ABCC5: variants seen among roughly 807,000 people sequenced by gnomAD.
ABCC5 encodes ATP binding cassette subfamily C member 5, also known as ATP-binding cassette sub-family C member 5.
In ABCC5, 61 loss-of-function variants were observed where a neutral mutation model predicts 160.9. The observed-to-expected ratio is 0.38, with a 90% CI of 0.31 to 0.47. The LOEUF (loss-of-function observed/expected upper bound fraction) is 0.47. Among genes scored for constraint, ABCC5 ranks in the 20% least tolerant of loss-of-function variants. The pLI is 0.99. For synonymous variants in ABCC5, 666 were observed against 700.6 expected (o/e 0.95, Z 0.78); for missense variants, 1,308 against 1,813.3 (o/e 0.72, Z 5.06).
intron 2 of ABCC5, among the ~76,000 whole-genome samples, chr3:183,990,793 CA>C (rs2108873711): frequency 7.6e-6 from 1 of 131,224 alleles, no homozygotes; most frequent in Admixed American, 6.9e-5. Context: ...AAAGTGCATG[CA>C]AAAGTGCATT....
At chr3:183,924,003 C>T (rs1186002984) in intron 29 of ABCC5, among the ~76,000 whole-genome samples, 3 of 124,900 alleles carry the variant, frequency 2.4e-5, no homozygotes, top group African/African-American at 8.8e-5. Flanking sequence ...CCAATTTTTA[C>T]TGTTTGCTTT....
chr3:183,950,838 A>G (rs1715279118), intron 20 of ABCC5, among the ~76,000 whole-genome samples: 1 of 152,234 alleles, frequency 6.6e-6, no homozygotes, highest in Admixed American at 6.5e-5. Flanking sequence ...GCTACAGTGC[A>G]GCAATTAAAA....
At chr3:183,961,784 ACATTTTTTTTTTTGAGG>A in intron 15 of ABCC5, 130 bp from the exon 16 acceptor site, 1 of 1,208,068 alleles carries the variant, frequency 8.3e-7, no homozygotes, top group Non-Finnish European at 1.1e-6. Flanking sequence ...GCATCTGGAG[ACATTTTTTTTTTTGAGG>A]CAGAGTCTTG....
At chr3:183,931,690 C>T (rs1713196048) in intron 26 of ABCC5, among the ~76,000 whole-genome samples, 1 of 152,194 alleles carries the variant, frequency 6.6e-6, no homozygotes, top group South Asian at 2.1e-4. Context: ...AGCCTCAGAC[C>T]ACTAAACAAT....
At chr3:183,998,477 T>G (rs934913861) in intron 2 of ABCC5, among the ~76,000 whole-genome samples, 1 of 152,124 alleles carries the variant, frequency 6.6e-6, no homozygotes, top group African/African-American at 2.4e-5. Flanking sequence ...CAACATAGCA[T>G]GTACTATGTG....
Position 183,951,354 on chromosome 3 carries a change from G to A in ABCC5, c.2944+87C>T. The A allele has an allele frequency of 6.5e-7, 1 of 1,531,348 alleles. No individual in the cohort carries two copies. Among genetic ancestry groups the A allele is most frequent in the Non-Finnish European group, 8.8e-7 (1 of 1,133,134 alleles). The allele number at this position is 1,531,348 out of a possible 1,614,324, so 94.9% of individuals were successfully genotyped here. A position where few individuals can be genotyped will look rare whatever the true frequency, so the allele number is the denominator to read the frequency against. On this transcript the variant is annotated intron_variant, in intron 20 of 29. Transcript: ENST00000334444. This position sits in a 1 kb window ranked among gnomAD's most constrained non-coding sequence, Gnocchi z 4.7. ...ACTGTGCTCTCAGGATCTACAGACA[G>A]ACAGATCTGCACATTTGGAGAATCA...
rs755325365 is a variant in ABCC5, at chr3:183,963,610, G to A, written c.2032-22C>T. ...CAATCTACAAGAGCCCAGAAGTGTG[G>A]TGAAGCCTCCAGCGCAAGTCCAGAA... On this transcript the variant is annotated intron_variant, in intron 14 of 29. Transcript: ENST00000334444. The surrounding 1 kb of genome is among the most constrained non-coding windows in gnomAD (Gnocchi z 4.6). 8 of 1,612,264 alleles carry A rather than the reference G, an allele frequency of 5.0e-6. No homozygotes were observed. The highest frequency in any genetic ancestry group is 6.8e-6 in the Non-Finnish European group (8 of 1,179,712).
chr3:183,963,735 G>T lies in ABCC5; in HGVS notation c.2032-147C>A. Reference sequence around the variant, plus strand: ...TGAACTGCCATGCTGATTCCCCGCAGATGAACTGCCATGCTGATCCTTCAA... The same window carrying T: ...TGAACTGCCATGCTGATTCCCCGCATATGAACTGCCATGCTGATCCTTCAA... On this transcript the variant is annotated intron_variant, in intron 14 of 29. Coordinates refer to ENST00000334444, the MANE Select transcript of ABCC5 (RefSeq NM_005688.4). The surrounding 1 kb of genome is among the most constrained non-coding windows in gnomAD (Gnocchi z 4.6). The T allele has an allele frequency of 1.3e-6, 1 of 757,466 alleles. No homozygotes were observed. The highest frequency in any genetic ancestry group is 2.1e-6 in the Non-Finnish European group (1 of 476,274). The allele number at this position is 757,466 out of a possible 1,614,324, so 46.9% of individuals were successfully genotyped here.
rs1376756348 is a variant in ABCC5, at chr3:183,971,620, G to C, written c.1704C>G (p.His568Gln). 6.2e-7 allele frequency: 1 copy of C among 1,614,166 alleles called. No homozygotes were observed. Among genetic ancestry groups the C allele is most frequent in the East Asian group, 2.2e-5 (1 of 44,880 alleles). Residue 568 changes from histidine to glutamine, a missense_variant, in exon 11 of 30, where the codon CAC becomes CAG. Transcript: ENST00000334444. The part of the protein sequence containing the change: ...SPEEEEGKHI[H>Q]LGHLRLQRTL... The stretch of plus-strand genomic sequence containing the variant: ...TCCTCTGTAAGCGCAGGTGGCCCAG[G>C]TGGATGTGCTTGCCTTCTTCCTCTT...
intron 9 of ABCC5, among the ~76,000 whole-genome samples, chr3:183,978,070 G>C (rs1370835635): frequency 1.3e-5 from 2 of 151,984 alleles, no homozygotes; most frequent in African/African-American, 2.4e-5. Context: ...TTTTTAAGTA[G>C]AGTTTTTGAG....
chr3:183,942,908 G>A lies in ABCC5; in HGVS notation c.3513C>T (p.Ser1171=), dbSNP rs999390640. 5 of 1,612,562 alleles carry A rather than the reference G, an allele frequency of 3.1e-6. No homozygotes were observed. The highest frequency in any genetic ancestry group is 3.3e-5 in the Admixed American group (2 of 59,920). ...ERINHYIKTL[S]LEAPARIKNK... is the part of the protein sequence containing the mutation. Reference sequence around the variant, plus strand: ...TCTTAATTCTGGCAGGTGCTTCCAAGGACAGAGTCTGGGGAGACAAGGGTG... The same window carrying A: ...TCTTAATTCTGGCAGGTGCTTCCAAAGACAGAGTCTGGGGAGACAAGGGTG... The change falls in exon 25 of 30, where the codon TCC becomes TCT. Residue 1171 remains serine, a synonymous_variant. Transcript: ENST00000334444.
At chr3:183,983,319 C>A in intron 5 of ABCC5, 1 of 381,530 alleles carries the variant, frequency 2.6e-6, no homozygotes, top group Non-Finnish European at 4.9e-6. Context: ...AAAAGTATAG[C>A]TTTGACCTTA....
intron 2 of ABCC5, among the ~76,000 whole-genome samples, chr3:184,006,642 TAC>T (rs1170467366): frequency 1.4e-4 from 22 of 152,352 alleles, no homozygotes; most frequent in African/African-American, 5.3e-4. Flanking sequence ...TCTACAACTT[TAC>T]ACACTTTGTA....
At chr3:183,977,492 G>C (rs764246930) in intron 10 of ABCC5, 25 bp downstream of exon 10, 2 of 1,534,860 alleles carry the variant, frequency 1.3e-6, no homozygotes, top group Non-Finnish European at 9.0e-7. Context: ...CTCCTGACAC[G>C]GGGGCAGGGG....
At chr3:183,990,652 A>C (rs1719680733) in intron 2 of ABCC5, among the ~76,000 whole-genome samples, 1 of 150,834 alleles carries the variant, frequency 6.6e-6, no homozygotes, top group Non-Finnish European at 1.5e-5. Context: ...GTGAGTTCTT[A>C]TCCTGGCTGC....
chr3:183,947,632 A>G, intron 22 of ABCC5, 122 bp from the exon 23 acceptor site: 1 of 813,884 alleles, frequency 1.2e-6, no homozygotes, highest in Non-Finnish European at 1.8e-6. Context: ...TCTAACTGAG[A>G]GAATGCCCTG....
At chr3:183,967,796 T>C in intron 11 of ABCC5, 30 bp from the exon 12 acceptor site, 2 of 1,546,412 alleles carry the variant, frequency 1.3e-6, no homozygotes, top group Non-Finnish European at 8.9e-7. Context: ...AGGAGGGTCA[T>C]TTAGAGACTA....
intron 2 of ABCC5, among the ~76,000 whole-genome samples, chr3:184,013,437 A>G (rs1721921995): frequency 6.6e-6 from 1 of 152,036 alleles, no homozygotes; most frequent in South Asian, 2.1e-4. Flanking sequence ...TATTTTTAGC[A>G]GAGACAGGGT....
chr3:183,934,665 TTTTTC>T (rs1401037843), intron 26 of ABCC5, among the ~76,000 whole-genome samples: 2 of 152,170 alleles, frequency 1.3e-5, no homozygotes, highest in Non-Finnish European at 2.9e-5. Flanking sequence ...TGGTCAATTC[TTTTTC>T]TTTTAACATT....
Sources: allele counts gnomAD v4.1 joint callset (sites outside exome capture counted in the v4.1 genomes callset), GRCh38; gene constraint gnomAD v4.1.1; non-coding constraint Gnocchi (gnomAD v3.1); transcripts MANE v1.5; gene names NCBI Gene and HGNC (gene_info 2026-07-23, HGNC 2026-07-21).